The following ANKRD11 variants were observed in gnomAD, a reference collection of about 807,000 sequenced individuals.
ANKRD11 encodes the protein ankyrin repeat domain 11.
In ANKRD11, 17 loss-of-function variants were observed where a neutral mutation model predicts 195.7. The ratio of observed to expected loss-of-function variants is 0.09; its 90% CI spans 0.06 to 0.13. ANKRD11 has a LOEUF of 0.13. Ranked by LOEUF, ANKRD11 falls within the 10% of genes least tolerant of loss-of-function variation. ANKRD11 has a pLI of 1.00. For synonymous variants in ANKRD11, 1,953 were observed against 1,528.1 expected (o/e 1.28, Z -6.49); for missense variants, 3,735 against 3,566.1 (o/e 1.05, Z -1.21).
intron 2 of ANKRD11, among the ~76,000 whole-genome samples, chr16:89,322,270 C>T (rs370397999): frequency 6.6e-6 from 1 of 152,206 alleles, no homozygotes; most frequent in Non-Finnish European, 1.5e-5. Context: ...CATTACCCTC[C>T]GAAGACTCCC....
intron 1 of ANKRD11, among the ~76,000 whole-genome samples, chr16:89,419,055 T>C (rs1386773937): frequency 6.6e-6 from 1 of 152,142 alleles, no homozygotes; most frequent in Non-Finnish European, 1.5e-5. Context: ...AGAAGCATAT[T>C]AAGTTTTAAA....
chr16:89,300,844 A>C (rs2151850248), intron 4 of ANKRD11: 2 of 701,848 alleles, frequency 2.8e-6, no homozygotes, highest in Non-Finnish European at 5.2e-6. Context: ...AGAAAATCAT[A>C]ATTTTTCCCC....
rs1033011026 is a variant in ANKRD11, at chr16:89,279,655, G to A, written c.6887C>T (p.Ala2296Val). ...TTCGGCTGGGGCGGCGGCACGGGAG[G>A]CCTCAGTGTCGTCCTCGGGGCCGGC... ...DGAGPEDDTE[A>V]SRAAAPAEGP... The change falls in exon 9 of 13, where the codon GCC becomes GTC. Residue 2296 changes from alanine to valine, a missense_variant. By Grantham distance (64) the Ala-to-Val change is moderately conservative. Transcript: ENST00000301030. The surrounding 1 kb of genome is among the most constrained non-coding windows in gnomAD (Gnocchi z 5.6). 1.2e-5 allele frequency: 18 copies of A among 1,441,236 alleles called. No individual in the cohort carries two copies. The highest frequency in any genetic ancestry group is 1.5e-5 in the Non-Finnish European group (16 of 1,103,354). 89.3% of individuals were successfully genotyped at this position (1,441,236 alleles called of 1,614,324 possible). A position where few individuals can be genotyped will look rare whatever the true frequency, so the allele number is the denominator to read the frequency against.
At chr16:89,480,060 G>A (rs1361474103) in intron 1 of ANKRD11, among the ~76,000 whole-genome samples, 1 of 151,452 alleles carries the variant, frequency 6.6e-6, no homozygotes, top group African/African-American at 2.4e-5. Context: ...GCAGTGAGCT[G>A]AGATCGTGTC....
intron 2 of ANKRD11, among the ~76,000 whole-genome samples, chr16:89,407,469 A>G (rs551917173): frequency 6.6e-6 from 1 of 152,148 alleles, no homozygotes; most frequent in South Asian, 2.1e-4. Flanking sequence ...CAAGCCAAAA[A>G]GGAACCACGT....
intron 1 of ANKRD11, among the ~76,000 whole-genome samples, chr16:89,488,284 G>C (rs896819903): frequency 1.3e-5 from 2 of 152,054 alleles, no homozygotes; most frequent in Non-Finnish European, 2.9e-5. Flanking sequence ...CTCCCATCCA[G>C]TTCCATTCAG....
At chr16:89,407,889 T>A (rs1488522743) in intron 2 of ANKRD11, among the ~76,000 whole-genome samples, 3 of 148,994 alleles carry the variant, frequency 2.0e-5, no homozygotes, top group African/African-American at 7.4e-5. Context: ...AGAAGAAATA[T>A]TAACTCCTTT....
intron 1 of ANKRD11, among the ~76,000 whole-genome samples, chr16:89,456,931 A>G (rs2056461128): frequency 6.8e-6 from 1 of 147,818 alleles, no homozygotes; most frequent in Non-Finnish European, 1.5e-5. Flanking sequence ...AAATGGTCAG[A>G]GTGGTGGGGT....
intron 2 of ANKRD11, among the ~76,000 whole-genome samples, chr16:89,403,466 G>A (rs972539983): frequency 6.6e-6 from 1 of 152,038 alleles, no homozygotes; most frequent in African/African-American, 2.4e-5. Context: ...GCGAGGCCCC[G>A]CGCTCTGGGA....
At chr16:89,391,746 T>C (rs1459368300) in intron 2 of ANKRD11, among the ~76,000 whole-genome samples, 2 of 151,988 alleles carry the variant, frequency 1.3e-5, no homozygotes, top group Non-Finnish European at 2.9e-5. Context: ...AAAGCAGAGG[T>C]TCCTCTTCAA....
At position 89,281,916 on chromosome 16, in the gene ANKRD11, C is replaced by G. The variant is rs1331284629; in HGVS notation, c.4626G>C (p.Lys1542Asn). The change falls in exon 9 of 13, where the codon AAG becomes AAC. Residue 1542 changes from lysine (K) to asparagine (N), a missense_variant. By Grantham distance (94) the Lys-to-Asn change is moderately conservative. Transcript: ENST00000301030. This position sits in a 1 kb window ranked among gnomAD's most constrained non-coding sequence, Gnocchi z 5.5. ...EKFKDGAEKE[K>N]GDPVKMSNGN... ...CGTTGCTCATCTTCACTGGGTCGCC[C>G]TTTTCTTTCTCTGCACCGTCCTTGA... 1.2e-6 allele frequency: 2 copies of G among 1,613,386 alleles called. No homozygotes were observed. The highest frequency in any genetic ancestry group is 1.7e-6 in the Non-Finnish European group (2 of 1,180,034).
intron 3 of ANKRD11, 150 bp downstream of exon 3, chr16:89,316,783 C>T: frequency 1.0e-6 from 1 of 952,532 alleles, no homozygotes; most frequent in Non-Finnish European, 1.6e-6. Flanking sequence ...AAGATCACTC[C>T]TCACCACCCT....
intron 4 of ANKRD11, among the ~76,000 whole-genome samples, chr16:89,293,737 A>AGGGAGGAGCTGGGGCGGTGTT (rs1469924390): frequency 8.2e-6 from 1 of 121,616 alleles, no homozygotes; most frequent in Non-Finnish European, 1.8e-5. Flanking sequence ...GGGGCTGCGG[A>AGGGAGGAGCTGGGGCGGTGTT]GGGAGGAGCT....
At position 89,280,565 on chromosome 16, in the gene ANKRD11, G is replaced by A. The variant is rs773403872; in HGVS notation, c.5977C>T (p.Arg1993Cys). 7 of 1,613,260 alleles carry A rather than the reference G, an allele frequency of 4.3e-6. No homozygotes were observed. The highest frequency in any genetic ancestry group is 3.3e-5 in the South Asian group (3 of 91,082). The change falls in exon 9 of 13, where the codon CGT (arginine) becomes TGT (cysteine). Residue 1993 changes from arginine (R) to cysteine (C), a missense_variant. By Grantham distance (180) the Arg-to-Cys change is radical. Coordinates refer to ENST00000301030, the MANE Select transcript of ANKRD11 (RefSeq NM_013275.6). Reference protein sequence around the residue: ...SPQRFPESPKRFCPADPLHSA... With the variant: ...SPQRFPESPKCFCPADPLHSA... ...TGGAGGGGGTCCGCGGGGCAGAAAC[G>A]CTTTGGGGACTCGGGGAATCTCTGT...
intron 1 of ANKRD11, among the ~76,000 whole-genome samples, chr16:89,455,582 A>G (rs1470392994): frequency 6.6e-6 from 1 of 152,040 alleles, no homozygotes; most frequent in African/African-American, 2.4e-5. Context: ...AGAACTGTGG[A>G]GTCTAATAAA....
intron 2 of ANKRD11, among the ~76,000 whole-genome samples, chr16:89,402,177 T>C (rs1049660317): frequency 6.6e-6 from 1 of 152,184 alleles, no homozygotes; most frequent in African/African-American, 2.4e-5. Context: ...GAGGACGACC[T>C]ACAGTTCACT....
intron 1 of ANKRD11, among the ~76,000 whole-genome samples, chr16:89,445,245 T>C (rs1268653382): frequency 6.6e-6 from 1 of 152,246 alleles, no homozygotes; most frequent in East Asian, 1.9e-4. Context: ...CATTAACCAA[T>C]GTATTAGTAA....
chr16:89,320,577 G>A (rs926323260), intron 2 of ANKRD11, among the ~76,000 whole-genome samples: 30 of 152,282 alleles, frequency 2.0e-4, no homozygotes, highest in African/African-American at 6.0e-4. Flanking sequence ...GATGGCAACC[G>A]TCCCAGCTTC....
At chr16:89,356,640 G>T (rs1413968237) in intron 2 of ANKRD11, among the ~76,000 whole-genome samples, 3 of 151,208 alleles carry the variant, frequency 2.0e-5, no homozygotes, top group African/African-American at 7.3e-5. Context: ...AATTAGCCAG[G>T]CGTGGTGGTG....
Sources: allele counts gnomAD v4.1 joint callset (sites outside exome capture counted in the v4.1 genomes callset), GRCh38; gene constraint gnomAD v4.1.1; non-coding constraint Gnocchi (gnomAD v3.1); transcripts MANE v1.5; gene names NCBI Gene and HGNC (gene_info 2026-07-23, HGNC 2026-07-21).